Variants in FNTA observed in about 807,000 individuals in gnomAD.
The protein encoded by FNTA is farnesyltransferase, CAAX box, subunit alpha.
A neutral mutation model predicts 55.2 loss-of-function variants in FNTA; 27 were observed. The ratio of observed to expected loss-of-function variants is 0.49; its 90% CI spans 0.36 to 0.67. FNTA has a LOEUF of 0.67. Ranked by LOEUF, FNTA falls within the 30% of genes least tolerant of loss-of-function variation. The probability of loss-of-function intolerance (pLI) is 0.00; values close to 1 mark genes in which losing one functional copy is unlikely to be tolerated. For missense variants in FNTA, 422 were observed against 464.7 expected (o/e 0.91, Z 0.85); for synonymous variants, 176 against 170.7 (o/e 1.03, Z -0.24).
At chr8:43,067,780 C>T (rs1810694689) in intron 3 of FNTA, among the ~76,000 whole-genome samples, 1 of 151,748 alleles carries the variant, frequency 6.6e-6, no homozygotes, top group African/African-American at 2.4e-5. Context: ...AGTACGGTGA[C>T]GTGATCTTGG....
chr8:43,085,285 C>T lies in FNTA; in HGVS notation c.*3C>T, dbSNP rs774674363. 2.5e-6 allele frequency: 4 copies of T among 1,601,018 alleles called. No individual in the cohort carries two copies. The highest frequency in any genetic ancestry group is 3.4e-6 in the Non-Finnish European group (4 of 1,177,380). ...CACCAACAAATGTACAGCAATAACA[C>T]CATCCAGAAGAACTTGATGGAATGC... On this transcript the variant is annotated 3_prime_UTR_variant, in exon 9 of 9. Transcript: ENST00000302279.
intron 7 of FNTA, among the ~76,000 whole-genome samples, chr8:43,084,110 C>G (rs1258606655): frequency 6.6e-6 from 1 of 151,290 alleles, no homozygotes; most frequent in Non-Finnish European, 1.5e-5. Flanking sequence ...TGGTTTTGTC[C>G]TTCACTTTTT....
chr8:43,058,564 G>T (rs918815006), intron 1 of FNTA, among the ~76,000 whole-genome samples: 1 of 152,104 alleles, frequency 6.6e-6, no homozygotes, highest in Non-Finnish European at 1.5e-5. Flanking sequence ...CAGGTCAAGA[G>T]ATTGAGACCA....
chr8:43,083,056 A>C (rs1811055538), intron 6 of FNTA, 62 bp from the exon 7 acceptor site: 2 of 1,083,942 alleles, frequency 1.8e-6, no homozygotes, highest in African/African-American at 1.6e-5. Context: ...AGAAAAAAAA[A>C]AAAACTGTGT....
In FNTA at chr8:43,085,709, A is replaced by T. The variant is rs937703364; in HGVS notation, c.*427A>T. 3 of 165,812 alleles carry T rather than the reference A, an allele frequency of 1.8e-5. No individual in the cohort carries two copies. Among genetic ancestry groups the T allele is most frequent in the South Asian group, 1.7e-4 (1 of 5,822 alleles). The allele number at this position is 165,812 out of a possible 1,614,324, so 10.3% of individuals were successfully genotyped here. On this transcript the variant is annotated 3_prime_UTR_variant, in exon 9 of 9. Transcript: ENST00000302279. ...TCCATCAGAGCTGGTCTGCACACTC[A>T]CATTATCTTGCTATCACTGTAACCA...
intron 5 of FNTA, among the ~76,000 whole-genome samples, chr8:43,072,791 T>G (rs1179582804): frequency 6.6e-6 from 1 of 152,162 alleles, no homozygotes. Flanking sequence ...TAGCTAACCT[T>G]TATAATCTCT....
intron 5 of FNTA, among the ~76,000 whole-genome samples, chr8:43,073,043 C>T (rs1440728554): frequency 6.6e-6 from 1 of 152,126 alleles, no homozygotes. Context: ...GTAACTCCCA[C>T]TCTGGGTATT....
chr8:43,058,985 A>G (rs1810473717), intron 1 of FNTA, 107 bp from the exon 2 acceptor site: 6 of 787,378 alleles, frequency 7.6e-6, no homozygotes, highest in Non-Finnish European at 1.2e-5. Flanking sequence ...GAGCCCTGTA[A>G]GTTATTAATA....
At chr8:43,078,839 CATAAG>C (rs1810965627) in intron 6 of FNTA, 1 of 152,254 alleles carries the variant, frequency 6.6e-6, no homozygotes, top group Admixed American at 6.5e-5. Flanking sequence ...ACACCAAACT[CATAAG>C]AAAGAGTTCT....
intron 5 of FNTA, among the ~76,000 whole-genome samples, chr8:43,072,540 A>G (rs1467592795): frequency 1.3e-5 from 2 of 152,152 alleles, no homozygotes; most frequent in African/African-American, 2.4e-5. Context: ...AGCCTGGGCA[A>G]CAAAGTGAGA....
intron 6 of FNTA, 80 bp downstream of exon 6, chr8:43,077,444 A>C: frequency 9.0e-7 from 1 of 1,107,926 alleles, no homozygotes; most frequent in Admixed American, 2.1e-5. Flanking sequence ...GGGATACAGC[A>C]GATCAAGATC....
intron 6 of FNTA, chr8:43,081,202 C>T (rs1161870289): frequency 6.6e-6 from 1 of 152,026 alleles, no homozygotes; most frequent in East Asian, 1.9e-4. Context: ...AAGTCTTTTA[C>T]TGTTCTTCAT....
At chr8:43,080,776 T>A (rs1428576474) in intron 6 of FNTA, 1 of 152,252 alleles carries the variant, frequency 6.6e-6, no homozygotes, top group Non-Finnish European at 1.5e-5. Context: ...ATTTGCATCA[T>A]CACTGGCAGT....
intron 7 of FNTA, 26 bp from the exon 8 acceptor site, chr8:43,084,684 T>G: frequency 1.3e-6 from 2 of 1,556,098 alleles, no homozygotes; most frequent in Non-Finnish European, 1.7e-6. Flanking sequence ...CAAAATCAAG[T>G]CTTTGTTTTT....
chr8:43,071,611 G>T (rs1296202508), intron 4 of FNTA, among the ~76,000 whole-genome samples: 1 of 151,644 alleles, frequency 6.6e-6, no homozygotes. Context: ...GGCGGAGGTT[G>T]CAGTGAGCTG....
intron 3 of FNTA, 123 bp from the exon 4 acceptor site, chr8:43,069,432 A>G: frequency 1.5e-6 from 1 of 646,630 alleles, no homozygotes; most frequent in African/African-American, 1.8e-5. Flanking sequence ...TAATTGTTAA[A>G]TTATACAGAT....
intron 2 of FNTA, among the ~76,000 whole-genome samples, chr8:43,063,757 C>G (rs1295464654): frequency 1.3e-5 from 2 of 152,108 alleles, no homozygotes; most frequent in Non-Finnish European, 2.9e-5. Flanking sequence ...AGTTAAAAAT[C>G]TGATCAAAAT....
chr8:43,084,868 A>C lies in FNTA; in HGVS notation c.1004A>C (p.Asn335Thr). 1 of 1,613,844 alleles carries C rather than the reference A, an allele frequency of 6.2e-7. No homozygotes were observed. The highest frequency in any genetic ancestry group is 8.5e-7 in the Non-Finnish European group (1 of 1,179,910). Reference sequence around the variant, plus strand: ...TGTGACAATAAGGAAGACATTCTTAATAAAGCATTAGAGGTAAGCTGGTGG... The same window carrying C: ...TGTGACAATAAGGAAGACATTCTTACTAAAGCATTAGAGGTAAGCTGGTGG... Reference protein sequence around the residue: ...NQCDNKEDILNKALELCEILA... With the variant: ...NQCDNKEDILTKALELCEILA... Residue 335 changes from asparagine to threonine, a missense_variant, in exon 8 of 9, where the codon AAT (asparagine) becomes ACT (threonine). Around this residue, in one of 2 missense-constraint regions of FNTA, gnomAD observed 262 missense variants for 343.1 expected, o/e 0.76. Coordinates refer to ENST00000302279, the MANE Select transcript of FNTA (RefSeq NM_002027.3).
At chr8:43,072,408 T>A in intron 5 of FNTA, 101 bp downstream of exon 5, 1 of 765,882 alleles carries the variant, frequency 1.3e-6, no homozygotes, top group Non-Finnish European at 1.9e-6. Context: ...CACACATACG[T>A]AGATCATTGC....
Sources: gnomAD v4.1 joint callset for allele counts (sites outside exome capture counted in the v4.1 genomes callset) on GRCh38, gnomAD v4.1.1 for gene constraint, gnomAD v4.1.1 regional missense constraint, MANE v1.5 for transcripts, NCBI Gene and HGNC (gene_info 2026-07-23, HGNC 2026-07-21) for gene names.